Variants in CTNND2 observed in about 807,000 individuals in gnomAD.
CTNND2 encodes catenin delta-2.
CTNND2 carries 22 observed loss-of-function variants against 144.4 expected under a neutral mutation model. The observed-to-expected ratio is 0.15, with a 90% CI of 0.11 to 0.22. The LOEUF is 0.22. CTNND2 is among the 10% of genes least tolerant of loss of function. The pLI is 1.00. For missense variants in CTNND2, 1,353 were observed against 1,618.8 expected (o/e 0.84, Z 2.82); for synonymous variants, 751 against 695.6 (o/e 1.08, Z -1.25).
At chr5:11,316,468 TTTATTATTATTATTATTA>T (rs57708081) in intron 9 of CTNND2, among the ~76,000 whole-genome samples, 3 of 73,380 alleles carry the variant, frequency 4.1e-5, no homozygotes, top group South Asian at 4.3e-4. Context: ...TCCACTATTT[TTTATTATTATTATTATTA>T]TTATTATTAT....
chr5:11,802,423 T>C (rs970587644), intron 1 of CTNND2, among the ~76,000 whole-genome samples: 74 of 148,518 alleles, frequency 5.0e-4, no homozygotes, highest in African/African-American at 1.8e-3. Flanking sequence ...CAAAATTAGC[T>C]GGGCGTGGTG....
chr5:11,629,459 T>C (rs1021725917), intron 2 of CTNND2, among the ~76,000 whole-genome samples: 29 of 152,128 alleles, frequency 1.9e-4, no homozygotes, highest in African/African-American at 6.8e-4. Context: ...GATAATAGTA[T>C]TTGTTTAGAA....
chr5:11,313,636 G>A (rs913016279), intron 9 of CTNND2, among the ~76,000 whole-genome samples: 2 of 152,308 alleles, frequency 1.3e-5, no homozygotes, highest in African/African-American at 2.4e-5. Flanking sequence ...CACTTCCTCC[G>A]TGGAGAATTA....
chr5:11,867,071 G>C (rs1035556975), intron 1 of CTNND2, among the ~76,000 whole-genome samples: 2 of 152,176 alleles, frequency 1.3e-5, no homozygotes, highest in Non-Finnish European at 2.9e-5. Context: ...TCTGATCCAA[G>C]CTCACATTTT....
At chr5:11,247,158 C>T (rs990737135) in intron 9 of CTNND2, among the ~76,000 whole-genome samples, 1 of 152,114 alleles carries the variant, frequency 6.6e-6, no homozygotes, top group Admixed American at 6.5e-5. Context: ...AAAAGGCCCC[C>T]GCTGGATGCT....
At chr5:11,749,380 C>G (rs1788485540) in intron 1 of CTNND2, among the ~76,000 whole-genome samples, 1 of 152,012 alleles carries the variant, frequency 6.6e-6, no homozygotes, top group African/African-American at 2.4e-5. Context: ...TTACCTAATG[C>G]TGAGGTTTCA....
At chr5:11,884,834 T>A (rs1736399021) in intron 1 of CTNND2, among the ~76,000 whole-genome samples, 1 of 152,210 alleles carries the variant, frequency 6.6e-6, no homozygotes, top group Admixed American at 6.5e-5. Context: ...GGCACGTTCC[T>A]TCTATAACTA....
intron 9 of CTNND2, among the ~76,000 whole-genome samples, chr5:11,335,241 ATCT>A (rs1460946644): frequency 6.6e-6 from 1 of 152,214 alleles, no homozygotes; most frequent in Admixed American, 6.5e-5. Context: ...TAAAATGCTA[ATCT>A]TCTCCTTATC....
chr5:11,654,715 A>G (rs974922219), intron 2 of CTNND2, among the ~76,000 whole-genome samples: 1 of 151,668 alleles, frequency 6.6e-6, no homozygotes. Context: ...CTTCCTTTCC[A>G]ATATGGATGT....
intron 2 of CTNND2, among the ~76,000 whole-genome samples, chr5:11,632,278 T>C (rs1246590370): frequency 6.6e-6 from 1 of 151,938 alleles, no homozygotes; most frequent in Non-Finnish European, 1.5e-5. Context: ...CATAGGGGGA[T>C]GAAAAATAAA....
chr5:11,082,668 G>C (rs1328322816), intron 16 of CTNND2, 28 bp downstream of exon 16: 8 of 1,611,054 alleles, frequency 5.0e-6, no homozygotes, highest in Non-Finnish European at 6.8e-6. Flanking sequence ...CTTAACACTT[G>C]AGACACTGTG....
intron 3 of CTNND2, among the ~76,000 whole-genome samples, chr5:11,526,197 C>A (rs1401012493): frequency 6.6e-6 from 1 of 152,110 alleles, no homozygotes; most frequent in Non-Finnish European, 1.5e-5. Flanking sequence ...CCACCATGCC[C>A]GGTCTATCTT....
At chr5:11,718,412 T>C (rs1786474886) in intron 2 of CTNND2, among the ~76,000 whole-genome samples, 1 of 152,150 alleles carries the variant, frequency 6.6e-6, no homozygotes, top group Non-Finnish European at 1.5e-5. Context: ...GTAGGAAATA[T>C]CTCCTTCTCC....
At chr5:10,977,502 G>C (rs1736648992) in intron 21 of CTNND2, among the ~76,000 whole-genome samples, 1 of 151,936 alleles carries the variant, frequency 6.6e-6, no homozygotes. Flanking sequence ...ACTCAGGCTG[G>C]AGTGCAGTAG....
Position 10,973,769 on chromosome 5 carries a change from C to A in CTNND2, c.3418-56G>T. ...ACTTGGTTTCCCTTGACTCAGCCTG[C>A]CTCTTGCCCCGGCACCCAACTCTCC... On this transcript the variant is annotated intron_variant, in intron 21 of 21. Transcript: ENST00000304623. This position sits in a 1 kb window ranked among gnomAD's most constrained non-coding sequence, Gnocchi z 5.6. The A allele has an allele frequency of 6.6e-7, 1 of 1,522,924 alleles. No individual in the cohort carries two copies. Among genetic ancestry groups the A allele is most frequent in the Non-Finnish European group, 8.8e-7 (1 of 1,137,258 alleles). 94.3% of individuals were successfully genotyped at this position (1,522,924 alleles called of 1,614,324 possible). A position where few individuals can be genotyped will look rare whatever the true frequency, so the allele number is the denominator to read the frequency against.
At chr5:11,166,922 T>C (rs949168948) in intron 11 of CTNND2, among the ~76,000 whole-genome samples, 4 of 152,192 alleles carry the variant, frequency 2.6e-5, no homozygotes, top group African/African-American at 9.7e-5. Flanking sequence ...GCGTTTATCT[T>C]GAGTCGATGT....
chr5:11,889,853 A>C (rs1163400075), intron 1 of CTNND2, among the ~76,000 whole-genome samples: 2 of 152,162 alleles, frequency 1.3e-5, no homozygotes, highest in African/African-American at 2.4e-5. Context: ...AGGACATCAC[A>C]ATGTTTTCAA....
At chr5:11,428,952 T>A (rs528001276) in intron 3 of CTNND2, among the ~76,000 whole-genome samples, 3 of 152,316 alleles carry the variant, frequency 2.0e-5, no homozygotes, top group Middle Eastern at 3.4e-3. Flanking sequence ...TCATGGCAAA[T>A]CCTTTTATGA....
chr5:11,364,656 C>T, intron 8 of CTNND2, 40 bp downstream of exon 8: 1 of 1,538,258 alleles, frequency 6.5e-7, no homozygotes, highest in Non-Finnish European at 8.7e-7. Context: ...AGAGCCCACC[C>T]CCTGTGGACA....
Sources: allele counts gnomAD v4.1 joint callset (sites outside exome capture counted in the v4.1 genomes callset), GRCh38; gene constraint gnomAD v4.1.1; non-coding constraint Gnocchi (gnomAD v3.1); transcripts MANE v1.5; gene names NCBI Gene and HGNC (gene_info 2026-07-23, HGNC 2026-07-21).